TBC1D9: variants seen among roughly 807,000 people sequenced by gnomAD.
TBC1D9 encodes the protein TBC1 domain family member 9A.
A neutral mutation model predicts 132.0 loss-of-function variants in TBC1D9; 63 were observed. The ratio of observed to expected loss-of-function variants is 0.48; its 90% CI spans 0.39 to 0.59. The LOEUF (loss-of-function observed/expected upper bound fraction) is 0.59, where lower values mean the gene tolerates loss of function less well. Ranked by LOEUF, TBC1D9 falls within the 20% of genes least tolerant of loss-of-function variation. TBC1D9 has a pLI of 0.00. For missense variants in TBC1D9, 1,261 were observed against 1,592.7 expected (o/e 0.79, Z 3.54); for synonymous variants, 610 against 609.9 (o/e 1.00, Z 0.00).
intron 16 of TBC1D9, among the ~76,000 whole-genome samples, chr4:140,629,192 A>G (rs774269181): frequency 3.9e-5 from 6 of 152,268 alleles, no homozygotes; most frequent in Admixed American, 2.6e-4. Context: ...GGGGAACTCA[A>G]TACAACCAGA....
intron 1 of TBC1D9, among the ~76,000 whole-genome samples, chr4:140,742,378 A>C (rs182355238): frequency 7.2e-5 from 11 of 152,018 alleles, no homozygotes; most frequent in Admixed American, 2.0e-4. Context: ...CTAAAAATAC[A>C]AAAATTAGCT....
At chr4:140,739,128 C>T (rs1379467021) in intron 1 of TBC1D9, among the ~76,000 whole-genome samples, 2 of 151,648 alleles carry the variant, frequency 1.3e-5, no homozygotes, top group African/African-American at 4.9e-5. Context: ...TCCCAAGTTG[C>T]TGGGATTACA....
chr4:140,680,604 G>A (rs530370189), intron 3 of TBC1D9, among the ~76,000 whole-genome samples: 9 of 151,894 alleles, frequency 5.9e-5, no homozygotes, highest in East Asian at 5.8e-4. Flanking sequence ...AATCCCTCCC[G>A]CCTCATCTTC....
chr4:140,754,614 C>CAAAAAAA lies in TBC1D9; in HGVS notation c.130+1295_130+1301dup, dbSNP rs34471976. Among the ~76,000 whole-genome samples, 11 of 23,260 alleles carry CAAAAAAA rather than the reference C, an allele frequency of 4.7e-4. 1 individual carries two copies. Among genetic ancestry groups the CAAAAAAA allele is most frequent in the Admixed American group, 6.7e-4 (1 of 1,488 alleles). The allele number at this position is 23,260 out of a possible 152,430, so 15.3% of individuals were successfully genotyped here. A position where few individuals can be genotyped will look rare whatever the true frequency, so the allele number is the denominator to read the frequency against. On this transcript the variant is annotated intron_variant, in intron 1 of 20. Coordinates refer to ENST00000442267, the MANE Select transcript of TBC1D9 (RefSeq NM_015130.3). ...TGGGCGACAAAGCAGGACTCTGTCT[C>CAAAAAAA]AAAAAAAAAAAAAAAAAAAAAAAAA... is the stretch of plus-strand genomic sequence containing the variant.
intron 6 of TBC1D9, among the ~76,000 whole-genome samples, chr4:140,672,940 A>G (rs1342120614): frequency 6.6e-6 from 1 of 152,196 alleles, no homozygotes; most frequent in South Asian, 2.1e-4. Flanking sequence ...TGGTCAGATC[A>G]CTTGAGCTCA....
At chr4:140,662,206 C>A in intron 9 of TBC1D9, 99 bp from the exon 10 acceptor site, 1 of 979,040 alleles carries the variant, frequency 1.0e-6, no homozygotes, top group South Asian at 1.3e-5. Flanking sequence ...TTTCCTACCT[C>A]TCAAAGGAAA....
At chr4:140,751,579 A>C (rs1189121621) in intron 1 of TBC1D9, among the ~76,000 whole-genome samples, 2 of 152,242 alleles carry the variant, frequency 1.3e-5, no homozygotes, top group Non-Finnish European at 2.9e-5. Context: ...AATGGTATTT[A>C]AAAGGAAATG....
At chr4:140,685,030 A>C in intron 3 of TBC1D9, among the ~76,000 whole-genome samples, 1 of 152,128 alleles carries the variant, frequency 6.6e-6, no homozygotes, top group Middle Eastern at 3.2e-3. Flanking sequence ...TCTTGCTTAT[A>C]GTAGAATAAT....
intron 1 of TBC1D9, among the ~76,000 whole-genome samples, chr4:140,753,348 C>T (rs1226656470): frequency 6.6e-6 from 1 of 152,094 alleles, no homozygotes; most frequent in Admixed American, 6.5e-5. Context: ...CCAGCCTCAG[C>T]CTCCCCAGCA....
intron 15 of TBC1D9, among the ~76,000 whole-genome samples, chr4:140,636,846 T>C (rs1189676171): frequency 6.6e-6 from 1 of 152,218 alleles, no homozygotes; most frequent in Non-Finnish European, 1.5e-5. Context: ...TTGGATTCTT[T>C]AGTAGAAGAG....
chr4:140,693,708 C>T (rs1425289441), intron 2 of TBC1D9, among the ~76,000 whole-genome samples: 1 of 152,234 alleles, frequency 6.6e-6, no homozygotes, highest in Non-Finnish European at 1.5e-5. Flanking sequence ...AAGAAACTAG[C>T]TGTTTAACTA....
At chr4:140,677,383 C>T (rs890680303) in intron 5 of TBC1D9, among the ~76,000 whole-genome samples, 1 of 152,190 alleles carries the variant, frequency 6.6e-6, no homozygotes, top group African/African-American at 2.4e-5. Flanking sequence ...GGAAACTCTT[C>T]CTCTTTCTAA....
At chr4:140,731,937 A>G (rs1221331019) in intron 1 of TBC1D9, among the ~76,000 whole-genome samples, 1 of 152,158 alleles carries the variant, frequency 6.6e-6, no homozygotes, top group East Asian at 1.9e-4. Context: ...CATTGCATAA[A>G]GCTATCTGGA....
chr4:140,743,845 G>C (rs1368661806), intron 1 of TBC1D9, among the ~76,000 whole-genome samples: 1 of 152,208 alleles, frequency 6.6e-6, no homozygotes, highest in East Asian at 1.9e-4. Context: ...AGGCAAAGCA[G>C]AAAGGATATG....
chr4:140,666,575 T>C (rs1223846684), intron 9 of TBC1D9, among the ~76,000 whole-genome samples: 1 of 152,034 alleles, frequency 6.6e-6, no homozygotes, highest in Admixed American at 6.6e-5. Flanking sequence ...CCTGACCTCG[T>C]GATCCGCCCA....
intron 11 of TBC1D9, among the ~76,000 whole-genome samples, chr4:140,659,035 G>A (rs1271033764): frequency 6.6e-6 from 1 of 152,130 alleles, no homozygotes; most frequent in Non-Finnish European, 1.5e-5. Flanking sequence ...TACAACCCAA[G>A]CAATGAAAAG....
At chr4:140,734,672 G>A (rs2111071482) in intron 1 of TBC1D9, among the ~76,000 whole-genome samples, 1 of 152,246 alleles carries the variant, frequency 6.6e-6, no homozygotes, top group East Asian at 1.9e-4. Context: ...GGGGTGTACT[G>A]TAGTCCCAGC....
intron 18 of TBC1D9, among the ~76,000 whole-genome samples, chr4:140,626,682 T>C (rs1413961249): frequency 3.3e-5 from 5 of 152,204 alleles, no homozygotes; most frequent in African/African-American, 1.2e-4. Context: ...TGAATTAATA[T>C]ATAAATTTGG....
At chr4:140,636,187 T>C (rs1736876809) in intron 15 of TBC1D9, among the ~76,000 whole-genome samples, 1 of 152,166 alleles carries the variant, frequency 6.6e-6, no homozygotes, top group Non-Finnish European at 1.5e-5. Context: ...GCCCAGAGAT[T>C]GAAACAGAAG....
Sources: allele counts gnomAD v4.1 joint callset (sites outside exome capture counted in the v4.1 genomes callset), GRCh38; gene constraint gnomAD v4.1.1; transcripts MANE v1.5; gene names NCBI Gene and HGNC (gene_info 2026-07-23, HGNC 2026-07-21).